The following SDCCAG8 variants were observed in gnomAD, a reference collection of about 807,000 sequenced individuals.
SDCCAG8 encodes the protein serologically defined colon cancer antigen 8.
SDCCAG8 carries 74 observed loss-of-function variants against 101.8 expected under a neutral mutation model. That is an observed-to-expected ratio of 0.73 (90% confidence interval 0.60 to 0.88). SDCCAG8 has a LOEUF of 0.88. SDCCAG8 is among the 40% of genes least tolerant of loss of function. SDCCAG8 has a pLI of 0.00. For synonymous variants in SDCCAG8, 281 were observed against 292.9 expected, an observed-to-expected ratio of 0.96 and a Z score of 0.41; for missense variants, 787 against 822.6, an observed-to-expected ratio of 0.96 and a Z score of 0.53.
At position 243,485,064 on chromosome 1, in the gene SDCCAG8, A is replaced by AAGC. The variant is rs372717298; in HGVS notation, c.1986-3947_1986-3945dup. ...ATCTCAAAAAAAAAAAAAGAAGAAG[A>AAGC]AGCAGAAGAAGAGAGGTGTTTAGCA... On this transcript the variant is annotated intron_variant, in intron 16 of 17. Transcript: ENST00000366541. Among the ~76,000 whole-genome samples, 197 of 151,254 alleles carry AAGC rather than the reference A, an allele frequency of 1.3e-3. 2 individuals are homozygous for AAGC. The highest frequency in any genetic ancestry group is 4.0e-3 in the African/African-American group (167 of 41,238).
chr1:243,464,635 C>T (rs999070073), intron 16 of SDCCAG8, among the ~76,000 whole-genome samples: 2 of 152,194 alleles, frequency 1.3e-5, no homozygotes, highest in Non-Finnish European at 2.9e-5. Context: ...AACACCATAA[C>T]ACCTTTCATC....
intron 8 of SDCCAG8, 115 bp from the exon 9 acceptor site, chr1:243,316,640 C>A: frequency 7.9e-7 from 1 of 1,269,578 alleles, no homozygotes; most frequent in Non-Finnish European, 1.1e-6. Context: ...TTCATATGTG[C>A]TCAGCCGGCC....
At chr1:243,432,510 C>T (rs766271531) in intron 16 of SDCCAG8, among the ~76,000 whole-genome samples, 9 of 151,952 alleles carry the variant, frequency 5.9e-5, no homozygotes, top group Non-Finnish European at 1.3e-4. Context: ...CATACCTGCA[C>T]GTATACCCCT....
intron 3 of SDCCAG8, among the ~76,000 whole-genome samples, chr1:243,273,401 C>T (rs1245786431): frequency 6.6e-6 from 1 of 152,082 alleles, no homozygotes; most frequent in African/African-American, 2.4e-5. Flanking sequence ...TATGATTTTA[C>T]AAACTATTTT....
intron 12 of SDCCAG8, among the ~76,000 whole-genome samples, chr1:243,360,659 T>C (rs1158976572): frequency 6.6e-6 from 1 of 151,924 alleles, no homozygotes; most frequent in African/African-American, 2.4e-5. Flanking sequence ...CTGTCTCTAC[T>C]AAAAATATAA....
intron 16 of SDCCAG8, among the ~76,000 whole-genome samples, chr1:243,459,649 G>A (rs1483611241): frequency 6.6e-6 from 1 of 152,200 alleles, no homozygotes; most frequent in Non-Finnish European, 1.5e-5. Context: ...ACTCTGTTGT[G>A]CAGGTTGGAG....
At chr1:243,437,471 G>A (rs1367693272) in intron 16 of SDCCAG8, among the ~76,000 whole-genome samples, 3 of 152,004 alleles carry the variant, frequency 2.0e-5, no homozygotes, top group Non-Finnish European at 4.4e-5. Flanking sequence ...GGAGGTACAG[G>A]GCACAATTCT....
chr1:243,454,699 A>G (rs1410388522), intron 16 of SDCCAG8, among the ~76,000 whole-genome samples: 1 of 152,212 alleles, frequency 6.6e-6, no homozygotes, highest in Non-Finnish European at 1.5e-5. Context: ...ATTATTCAAC[A>G]ACTGAGATGT....
In SDCCAG8 at chr1:243,270,172, A is replaced by C; in HGVS notation, c.135A>C (p.Glu45Asp). The C allele has an allele frequency of 6.2e-7, 1 of 1,614,246 alleles. No individual in the cohort carries two copies. Among genetic ancestry groups the C allele is most frequent in the Non-Finnish European group, 8.5e-7 (1 of 1,180,046 alleles). Residue 45 changes from glutamate (E) to aspartate (D), a missense_variant, in exon 2 of 18, where the codon GAA (glutamate) becomes GAC (aspartate). Transcript: ENST00000366541. ...AAGAAGGCGATGTCACTATTGGAGAAGATGCACCAAATCTTTCTTTTAGCA... is the reference window on the plus strand; with the variant it reads ...AAGAAGGCGATGTCACTATTGGAGACGATGCACCAAATCTTTCTTTTAGCA... ...ALKEGDVTIG[E>D]DAPNLSFSTS...
intron 13 of SDCCAG8, among the ~76,000 whole-genome samples, chr1:243,386,967 C>T (rs1161839362): frequency 1.3e-5 from 2 of 152,092 alleles, no homozygotes; most frequent in Non-Finnish European, 2.9e-5. Flanking sequence ...AATTTTCACC[C>T]AAGAAGAAAG....
At chr1:243,483,754 C>T (rs548037114) in intron 16 of SDCCAG8, among the ~76,000 whole-genome samples, 25 of 152,336 alleles carry the variant, frequency 1.6e-4, no homozygotes, top group African/African-American at 6.0e-4. Context: ...TCCCAGTTTT[C>T]CTCCCTCCAG....
At chr1:243,489,860 G>C (rs1275357247) in intron 17 of SDCCAG8, among the ~76,000 whole-genome samples, 4 of 152,192 alleles carry the variant, frequency 2.6e-5, no homozygotes, top group Non-Finnish European at 2.9e-5. Context: ...CAGGGAAAAG[G>C]GAGGAAGGAA....
intron 2 of SDCCAG8, among the ~76,000 whole-genome samples, chr1:243,270,462 A>T (rs1291425427): frequency 2.0e-5 from 3 of 152,230 alleles, no homozygotes; most frequent in African/African-American, 7.2e-5. Context: ...TTAGTTATAA[A>T]ATAACAGTGT....
intron 13 of SDCCAG8, among the ~76,000 whole-genome samples, chr1:243,412,525 G>A (rs1023765796): frequency 2.0e-5 from 3 of 152,142 alleles, no homozygotes; most frequent in African/African-American, 2.4e-5. Flanking sequence ...AATGCAGCCC[G>A]ATACAAACTG....
At chr1:243,260,498 G>C in intron 1 of SDCCAG8, among the ~76,000 whole-genome samples, 1 of 152,102 alleles carries the variant, frequency 6.6e-6, no homozygotes, top group East Asian at 1.9e-4. Context: ...GGTGAAAAAA[G>C]CCACAATTAT....
chr1:243,369,558 C>T (rs571011482), intron 12 of SDCCAG8, among the ~76,000 whole-genome samples: 39 of 152,064 alleles, frequency 2.6e-4, no homozygotes, highest in Non-Finnish European at 5.3e-4. Flanking sequence ...TGTTTGAAGA[C>T]AAGGATGAAA....
At chr1:243,283,871 G>T (rs1428091522) in intron 4 of SDCCAG8, among the ~76,000 whole-genome samples, 1 of 152,104 alleles carries the variant, frequency 6.6e-6, no homozygotes, top group Non-Finnish European at 1.5e-5. Context: ...CTCCCGAGTG[G>T]CTGGGATAAC....
At position 243,359,403 on chromosome 1, in the gene SDCCAG8, G is replaced by A. The variant is rs879540682; in HGVS notation, c.1473+15072G>A. ...AAAAACTATTCAATTGTATACTTTC[G>A]GTGGGTGAATTCTATGGTGTGTGGA... is the stretch of plus-strand genomic sequence containing the variant. On this transcript the variant is annotated intron_variant, in intron 12 of 17. Coordinates refer to ENST00000366541, the MANE Select transcript of SDCCAG8 (RefSeq NM_006642.5). Among the ~76,000 whole-genome samples the A allele has an allele frequency of 3.3e-5, 5 of 152,106 alleles. No homozygotes were observed. The South Asian group carries it at 6.2e-4, about 19-fold the overall frequency.
chr1:243,385,744 C>T (rs936963235), intron 13 of SDCCAG8, among the ~76,000 whole-genome samples: 3 of 151,786 alleles, frequency 2.0e-5, no homozygotes, highest in South Asian at 2.1e-4. Flanking sequence ...CCGAGGCGGG[C>T]GGATCACCTG....
Sources: allele counts gnomAD v4.1 joint callset (sites outside exome capture counted in the v4.1 genomes callset), GRCh38; gene constraint gnomAD v4.1.1; transcripts MANE v1.5; gene names NCBI Gene and HGNC (gene_info 2026-07-23, HGNC 2026-07-21).